The following PRRC1 variants were observed in gnomAD, a reference collection of about 807,000 sequenced individuals.
PRRC1 encodes protein PRRC1.
Under a neutral mutation model 40.7 loss-of-function variants are expected in PRRC1, and 39 were observed. The ratio of observed to expected loss-of-function variants is 0.96; its 90% confidence interval spans 0.74 to 1.25. PRRC1 has a LOEUF of 1.25. Ranked by LOEUF, PRRC1 falls within the 50% of genes most tolerant of loss-of-function variation. The probability of loss-of-function intolerance (pLI) is 0.00; values close to 1 mark genes in which losing one functional copy is unlikely to be tolerated. For synonymous variants in PRRC1, 175 were observed against 193.3 expected, an observed-to-expected ratio of 0.91 and a Z score of 0.79; for missense variants, 573 against 548.3, an observed-to-expected ratio of 1.05 and a Z score of -0.45.
chr5:127,542,971 G>C (rs188720814), intron 7 of PRRC1, among the ~76,000 whole-genome samples: 80 of 151,550 alleles, frequency 5.3e-4, no homozygotes, highest in South Asian at 4.0e-3. Flanking sequence ...TCCTAGTTTT[G>C]ATGGTCTTTA....
At chr5:127,526,826 A>G (rs1767630538) in intron 4 of PRRC1, 48 bp downstream of exon 4, 2 of 1,374,338 alleles carry the variant, frequency 1.5e-6, no homozygotes, top group Non-Finnish European at 1.9e-6. Context: ...TATAAAACTA[A>G]TAGATATTCA....
chr5:127,548,047 T>C (rs1768274515), intron 8 of PRRC1, 126 bp downstream of exon 8: 5 of 748,792 alleles, frequency 6.7e-6, no homozygotes, highest in Admixed American at 4.1e-5. Flanking sequence ...CATTTTTCTT[T>C]TAGTATTTTT....
chr5:127,554,558 T>TTTTG lies in PRRC1; in HGVS notation c.*2645_*2648dup, dbSNP rs1326911319. The TTTTG allele has an allele frequency of 6.6e-6, 1 of 152,230 alleles. No homozygotes were observed. The highest frequency in any genetic ancestry group is 1.5e-5 in the Non-Finnish European group (1 of 68,040). The allele number at this position is 152,230 out of a possible 1,614,324, so 9.4% of individuals were successfully genotyped here. On this transcript the variant is annotated 3_prime_UTR_variant, in exon 9 of 9. Transcript: ENST00000296666. ...CAGATTATTCAATTCGGGATCCTCC[T>TTTTG]TTTGTTAGGTTTTTGAGACAACCCT...
intron 3 of PRRC1, 128 bp downstream of exon 3, chr5:127,525,048 A>G (rs949389515): frequency 2.9e-5 from 28 of 978,334 alleles, no homozygotes; most frequent in South Asian, 2.8e-4. Flanking sequence ...ATACAGTTCC[A>G]TAGTTAGTTT....
At chr5:127,544,840 G>A (rs1174211140) in intron 7 of PRRC1, among the ~76,000 whole-genome samples, 1 of 152,222 alleles carries the variant, frequency 6.6e-6, no homozygotes, top group African/African-American at 2.4e-5. Flanking sequence ...TCCCGAGTGA[G>A]GCAATGCCTC....
chr5:127,535,973 C>A (rs559061661), intron 6 of PRRC1, among the ~76,000 whole-genome samples: 1 of 152,102 alleles, frequency 6.6e-6, no homozygotes, highest in Non-Finnish European at 1.5e-5. Context: ...TATGCATACT[C>A]ACATACCACA....
At chr5:127,528,939 G>T in intron 4 of PRRC1, among the ~76,000 whole-genome samples, 1 of 152,140 alleles carries the variant, frequency 6.6e-6, no homozygotes, top group African/African-American at 2.4e-5. Flanking sequence ...TGTTCTTGTA[G>T]TAGAGCACAC....
chr5:127,553,926 G>C lies in PRRC1; in HGVS notation c.*2010G>C. 1 of 1,534,390 alleles carries C rather than the reference G, an allele frequency of 6.5e-7. No individual in the cohort carries two copies. Reference sequence around the variant, plus strand: ...CCGTGTGAGTGGGTGAGGAAGATGAGAGATGGTCAGATGGAAGAGAGAAAT... The same window carrying C: ...CCGTGTGAGTGGGTGAGGAAGATGACAGATGGTCAGATGGAAGAGAGAAAT... On this transcript the variant is annotated 3_prime_UTR_variant, in exon 9 of 9. Coordinates refer to ENST00000296666, the MANE Select transcript of PRRC1 (RefSeq NM_130809.5).
rs1768269067 is a variant in PRRC1, at chr5:127,547,850, G to C, written c.1057G>C (p.Asp353His). The change falls in exon 8 of 9, where the codon GAT becomes CAT. Residue 353 changes from aspartate to histidine, a missense_variant. Physicochemically the swap from Asp to His is moderately conservative, Grantham distance 81 (BLOSUM62 -1). Transcript: ENST00000296666. ...WFDIGCLVVE[D>H]PVHGIHLETF... Reference sequence around the variant, plus strand: ...TGACATTGGTTGTTTGGTGGTTGAAGATCCTGTCCATGGCATTCATCTAGA... The same window carrying C: ...TGACATTGGTTGTTTGGTGGTTGAACATCCTGTCCATGGCATTCATCTAGA... 1 of 1,613,168 alleles carries C rather than the reference G, an allele frequency of 6.2e-7. No individual in the cohort carries two copies. The highest frequency in any genetic ancestry group is 8.5e-7 in the Non-Finnish European group (1 of 1,179,564).
intron 7 of PRRC1, among the ~76,000 whole-genome samples, chr5:127,545,067 C>T (rs1009916603): frequency 1.3e-5 from 2 of 152,174 alleles, no homozygotes; most frequent in Non-Finnish European, 1.5e-5. Context: ...CAGAGAAATG[C>T]ACATCAAAAC....
intron 4 of PRRC1, among the ~76,000 whole-genome samples, chr5:127,527,623 TGTAGCGTGTGCCTG>T (rs1296476978): frequency 7.2e-5 from 11 of 151,982 alleles, no homozygotes; most frequent in African/African-American, 2.7e-4. Context: ...AGCCAGGCAT[TGTAGCGTGTGCCTG>T]TGGTCCCATG....
chr5:127,543,661 G>C (rs867735215), intron 7 of PRRC1, among the ~76,000 whole-genome samples: 1 of 151,924 alleles, frequency 6.6e-6, no homozygotes, highest in Non-Finnish European at 1.5e-5. Context: ...CCAGTTGATC[G>C]CGTCGGCTCC....
Position 127,539,063 on chromosome 5 carries a change from C to T in PRRC1, c.945C>T (p.Ser315=). 1 of 1,612,880 alleles carries T rather than the reference C, an allele frequency of 6.2e-7. No individual in the cohort carries two copies. Among genetic ancestry groups the T allele is most frequent in the Non-Finnish European group, 8.5e-7 (1 of 1,179,008 alleles). Residue 315 remains serine, a synonymous_variant, in exon 7 of 9, where the codon AGC becomes AGT. Transcript: ENST00000296666. ...AGGGTGCTCAGGAACGGATAGATAG[C>T]TTGCGTCGAACTGGGGTGATCCATG... The part of the protein sequence containing the change: ...GLKGAQERID[S]LRRTGVIHEK...
chr5:127,544,701 C>G (rs1338172666), intron 7 of PRRC1, among the ~76,000 whole-genome samples: 1 of 152,222 alleles, frequency 6.6e-6, no homozygotes, highest in Non-Finnish European at 1.5e-5. Context: ...GGGATATAAT[C>G]TCCTGGTGCG....
rs981882265 is a variant in PRRC1 at position 127,554,748 on chromosome 5, G to A, written c.*2832G>A. The A allele has an allele frequency of 6.6e-6, 1 of 152,302 alleles. No homozygotes were observed. Among genetic ancestry groups the A allele is most frequent in the South Asian group, 2.1e-4 (1 of 4,838 alleles). 9.4% of individuals were successfully genotyped at this position (152,302 alleles called of 1,614,324 possible). ...ACAAAAAGGTAGTGTGATAGTATAA[G>A]TATCTAAGTGCAGATGAAAGTGTGT... is the stretch of plus-strand genomic sequence containing the variant. On this transcript the variant is annotated 3_prime_UTR_variant, in exon 9 of 9. Coordinates refer to ENST00000296666, the MANE Select transcript of PRRC1 (RefSeq NM_130809.5).
intron 7 of PRRC1, among the ~76,000 whole-genome samples, chr5:127,540,138 G>A (rs958319768): frequency 3.3e-5 from 5 of 152,090 alleles, no homozygotes; most frequent in Admixed American, 2.0e-4. Context: ...AAGAGGTGAC[G>A]GGACAAATTG....
At chr5:127,541,607 G>T (rs902499439) in intron 7 of PRRC1, among the ~76,000 whole-genome samples, 1 of 152,210 alleles carries the variant, frequency 6.6e-6, no homozygotes, top group Non-Finnish European at 1.5e-5. Flanking sequence ...TCTTGGGAGA[G>T]TGTATGTATC....
At chr5:127,539,358 C>T (rs1424535522) in intron 7 of PRRC1, among the ~76,000 whole-genome samples, 1 of 152,076 alleles carries the variant, frequency 6.6e-6, no homozygotes, top group East Asian at 1.9e-4. Flanking sequence ...GATGGTCATG[C>T]CTGCTTTCTG....
intron 7 of PRRC1, among the ~76,000 whole-genome samples, chr5:127,547,582 G>A (rs911201091): frequency 4.6e-5 from 7 of 151,976 alleles, no homozygotes; most frequent in Non-Finnish European, 8.8e-5. Context: ...AGCTTTCCAT[G>A]ATAAGTATTT....
Sources: gnomAD v4.1 joint callset for allele counts (sites outside exome capture counted in the v4.1 genomes callset) on GRCh38, gnomAD v4.1.1 for gene constraint, MANE v1.5 for transcripts, NCBI Gene and HGNC (gene_info 2026-07-23, HGNC 2026-07-21) for gene names.